The following ERBB4 variants were observed in gnomAD, a reference collection of about 807,000 sequenced individuals.
ERBB4 encodes receptor tyrosine-protein kinase erbB-4.
ERBB4 carries 42 observed loss-of-function variants against 158.0 expected under a neutral mutation model. That is an observed-to-expected ratio of 0.27 (90% CI 0.21 to 0.34). The LOEUF (loss-of-function observed/expected upper bound fraction) is 0.34. Ranked by LOEUF, ERBB4 falls within the 10% of genes least tolerant of loss-of-function variation. The pLI is 1.00. For missense variants in ERBB4, 1,333 were observed against 1,624.1 expected (o/e 0.82, Z 3.08); for synonymous variants, 583 against 558.7 (o/e 1.04, Z -0.61).
At chr2:211,787,284 A>ACATAGCC (rs2076187465) in intron 4 of ERBB4, among the ~76,000 whole-genome samples, 1 of 152,228 alleles carries the variant, frequency 6.6e-6, no homozygotes, top group African/African-American at 2.4e-5. Flanking sequence ...TGTGGGGATC[A>ACATAGCC]CATAGCCTGC....
intron 20 of ERBB4, among the ~76,000 whole-genome samples, chr2:211,504,891 G>C (rs2065706822): frequency 6.6e-6 from 1 of 152,016 alleles, no homozygotes; most frequent in African/African-American, 2.4e-5. Context: ...AATCAACCCA[G>C]CTAGACAAAA....
intron 3 of ERBB4, among the ~76,000 whole-genome samples, chr2:211,846,978 A>G (rs1408661777): frequency 6.6e-6 from 1 of 152,150 alleles, no homozygotes; most frequent in Non-Finnish European, 1.5e-5. Flanking sequence ...TAGCTATAAC[A>G]TGGTGGTTGG....
At chr2:211,866,313 C>T (rs544058958) in intron 3 of ERBB4, among the ~76,000 whole-genome samples, 2 of 152,266 alleles carry the variant, frequency 1.3e-5, no homozygotes, top group East Asian at 3.9e-4. Context: ...CCACTCTGAA[C>T]TTATGTCCTA....
chr2:211,913,565 C>T (rs750382531), intron 3 of ERBB4, among the ~76,000 whole-genome samples: 1 of 151,438 alleles, frequency 6.6e-6, no homozygotes, highest in Admixed American at 6.6e-5. Flanking sequence ...CATGGCACTG[C>T]ACTCCAGCCT....
intron 25 of ERBB4, among the ~76,000 whole-genome samples, chr2:211,413,287 C>CAG (rs777336764): frequency 9.1e-6 from 1 of 109,692 alleles, no homozygotes; most frequent in Non-Finnish European, 1.9e-5. Context: ...GGCTTGGGGA[C>CAG]AGAGAGAGAC....
At chr2:212,330,590 G>A (rs1426863516) in intron 1 of ERBB4, among the ~76,000 whole-genome samples, 2 of 151,950 alleles carry the variant, frequency 1.3e-5, no homozygotes, top group Non-Finnish European at 2.9e-5. Context: ...TCCAGCCTGG[G>A]TGACAGAGTA....
Position 212,438,204 on chromosome 2 carries a change from GA to G in ERBB4, c.82+100244del, listed in dbSNP as rs879866490. 7.5e-3 allele frequency among the ~76,000 whole-genome samples: 1,105 copies of G among 148,004 alleles called. 7 individuals carry two copies. The highest frequency in any genetic ancestry group is 9.7e-3 in the Non-Finnish European group (648 of 66,590). On this transcript the variant is annotated intron_variant, in intron 1 of 27. Coordinates refer to ENST00000342788, the MANE Select transcript of ERBB4 (RefSeq NM_005235.3). ...GTGATATAACATTCTATAATGGAAA[GA>G]AAAAAAAAATGTGTTTTGGAGCCAG... is the stretch of plus-strand genomic sequence containing the variant.
At chr2:212,365,917 G>A (rs1394798) in intron 1 of ERBB4, among the ~76,000 whole-genome samples, 88,652 of 151,622 alleles carry the variant, frequency 0.58, 27,471 homozygotes, top group African/African-American at 0.78. Context: ...AACCCTCCAC[G>A]ATCAGACCAG....
chr2:211,553,066 T>TAA (rs2067145507), intron 20 of ERBB4, among the ~76,000 whole-genome samples: 1 of 151,996 alleles, frequency 6.6e-6, no homozygotes, highest in South Asian at 2.1e-4. Flanking sequence ...CCTCCCATGT[T>TAA]CAAGCGATTC....
intron 4 of ERBB4, among the ~76,000 whole-genome samples, chr2:211,758,374 A>G (rs1254531691): frequency 6.6e-6 from 1 of 152,202 alleles, no homozygotes; most frequent in African/African-American, 2.4e-5. Flanking sequence ...TATGTTAATA[A>G]CAAAATGTCT....
At chr2:211,477,168 GAGGACTT>G (rs2064975013) in intron 20 of ERBB4, among the ~76,000 whole-genome samples, 2 of 152,050 alleles carry the variant, frequency 1.3e-5, no homozygotes, top group Admixed American at 1.3e-4. Flanking sequence ...CTCAAGCAAG[GAGGACTT>G]CTGTCAGCAG....
intron 2 of ERBB4, among the ~76,000 whole-genome samples, chr2:212,061,188 G>T (rs1383097157): frequency 6.6e-6 from 1 of 151,628 alleles, no homozygotes; most frequent in Non-Finnish European, 1.5e-5. Context: ...CCAGTGCAGT[G>T]GTTCATGCCT....
intron 1 of ERBB4, among the ~76,000 whole-genome samples, chr2:212,249,364 AAGAC>A (rs2084434915): frequency 6.6e-6 from 1 of 151,640 alleles, no homozygotes; most frequent in Non-Finnish European, 1.5e-5. Flanking sequence ...AAAATGTAGG[AAGAC>A]TCTAGATAAT....
chr2:211,481,276 A>G (rs1367854180), intron 20 of ERBB4, among the ~76,000 whole-genome samples: 1 of 152,222 alleles, frequency 6.6e-6, no homozygotes, highest in East Asian at 1.9e-4. Flanking sequence ...AAATAGAAAA[A>G]GCCACATTGT....
intron 1 of ERBB4, among the ~76,000 whole-genome samples, chr2:212,367,161 A>G (rs1262242359): frequency 6.6e-6 from 1 of 152,058 alleles, no homozygotes; most frequent in Non-Finnish European, 1.5e-5. Context: ...TCTACAAGTC[A>G]AAGGAGAGTC....
Position 211,722,453 on chromosome 2 carries a change from G to C in ERBB4, c.823C>G (p.Leu275Val). ...TACTTTGCATTGAAATTGTGCTCCA[G>C]TTGAAAGGTGGTTGGATTGTAGACA... Reference protein sequence around the residue: ...TFVYNPTTFQLEHNFNAKYTY... With the variant: ...TFVYNPTTFQVEHNFNAKYTY... The change falls in exon 7 of 28, where the codon CTG (leucine) becomes GTG (valine). Residue 275 changes from leucine (L) to valine (V), a missense_variant. Physicochemically the swap from Leu to Val is conservative, Grantham distance 32. Around this residue, in one of 5 missense-constraint regions of ERBB4, gnomAD observed 438 missense variants for 586.9 expected, o/e 0.75. Coordinates refer to ENST00000342788, the MANE Select transcript of ERBB4 (RefSeq NM_005235.3). 6.2e-7 allele frequency: 1 copy of C among 1,613,702 alleles called. No homozygotes were observed. The highest frequency in any genetic ancestry group is 8.5e-7 in the Non-Finnish European group (1 of 1,179,626).
At chr2:211,653,481 C>T (rs1276863026) in intron 16 of ERBB4, among the ~76,000 whole-genome samples, 2 of 147,784 alleles carry the variant, frequency 1.4e-5, no homozygotes, top group East Asian at 2.0e-4. Context: ...GCACCCGCCC[C>T]CCCCCACGCC....
intron 1 of ERBB4, among the ~76,000 whole-genome samples, chr2:212,214,396 A>T (rs906754663): frequency 2.0e-5 from 3 of 151,846 alleles, no homozygotes; most frequent in African/African-American, 7.2e-5. Context: ...ATTGGATAGC[A>T]CAGTTTTAGA....
At chr2:212,082,662 T>A (rs2078482097) in intron 2 of ERBB4, among the ~76,000 whole-genome samples, 1 of 152,016 alleles carries the variant, frequency 6.6e-6, no homozygotes, top group Admixed American at 6.6e-5. Context: ...GGGAAAAATA[T>A]TTTTGACAGA....
Sources: allele counts gnomAD v4.1 joint callset (sites outside exome capture counted in the v4.1 genomes callset), GRCh38; gene constraint gnomAD v4.1.1; regional missense constraint gnomAD v4.1.1; transcripts MANE v1.5; gene names NCBI Gene and HGNC (gene_info 2026-07-23, HGNC 2026-07-21).